Variants in PSD3 observed in about 807,000 individuals in gnomAD.
The protein encoded by PSD3 is pleckstrin and Sec7 domain containing 3.
A neutral mutation model predicts 105.5 loss-of-function variants in PSD3; 49 were observed. The ratio of observed to expected loss-of-function variants is 0.46; its 90% CI spans 0.37 to 0.59. The LOEUF is 0.59. PSD3 is among the 20% of genes least tolerant of loss of function. PSD3 has a pLI of 0.00. For synonymous variants in PSD3, 557 were observed against 457.8 expected, an observed-to-expected ratio of 1.22 and a Z score of -2.77; for missense variants, 1,561 against 1,263.8, an observed-to-expected ratio of 1.24 and a Z score of -3.57.
At chr8:18,640,301 T>G (rs765281654) in intron 10 of PSD3, among the ~76,000 whole-genome samples, 3 of 152,010 alleles carry the variant, frequency 2.0e-5, no homozygotes, top group Non-Finnish European at 4.4e-5. Context: ...TACCCCAAGT[T>G]TTACCATGCA....
chr8:18,828,068 T>TATATATATATATATATATATATA (rs1554515387), intron 4 of PSD3, among the ~76,000 whole-genome samples: 2 of 83,304 alleles, frequency 2.4e-5, no homozygotes, highest in African/African-American at 1.1e-4. Flanking sequence ...TATATATATA[T>TATATATATATATATATATATATA]TTTTTTTTTT....
intron 4 of PSD3, among the ~76,000 whole-genome samples, chr8:18,845,514 C>T (rs984983953): frequency 2.6e-5 from 4 of 152,178 alleles, no homozygotes; most frequent in African/African-American, 4.8e-5. Flanking sequence ...TGCTCTGGGG[C>T]GGCCCCCACC....
chr8:18,587,348 C>T (rs2717739), intron 12 of PSD3, among the ~76,000 whole-genome samples: 122,513 of 152,044 alleles, frequency 0.81, 49,861 homozygotes, highest in South Asian at 0.92. Context: ...ACAGTTCTTT[C>T]GTAAATGGGA....
intron 1 of PSD3, among the ~76,000 whole-genome samples, chr8:19,073,550 C>CAAAAAAAAAAAAAAAAAA (rs869154642): frequency 1.4e-5 from 1 of 69,154 alleles, no homozygotes; most frequent in African/African-American, 6.1e-5. Flanking sequence ...AACTGTCTCT[C>CAAAAAAAAAAAAAAAAAA]AAAAAAAAAA....
chr8:18,764,835 C>G (rs1806839868), intron 9 of PSD3, among the ~76,000 whole-genome samples: 2 of 152,140 alleles, frequency 1.3e-5, no homozygotes, highest in African/African-American at 4.8e-5. Context: ...CTCATATTAT[C>G]ATTATTTTGT....
At chr8:18,983,594 C>T (rs981015586) in intron 1 of PSD3, among the ~76,000 whole-genome samples, 6 of 152,062 alleles carry the variant, frequency 3.9e-5, no homozygotes, top group African/African-American at 1.4e-4. Context: ...CAGGGAATAG[C>T]GGGACAGGGG....
chr8:18,959,781 G>T (rs17384514), intron 1 of PSD3, among the ~76,000 whole-genome samples: 1 of 151,992 alleles, frequency 6.6e-6, no homozygotes, highest in Admixed American at 6.6e-5. Context: ...GCAAGGCCAG[G>T]TCTGTTAACA....
intron 4 of PSD3, among the ~76,000 whole-genome samples, chr8:18,848,232 C>A (rs1357769414): frequency 2.6e-5 from 4 of 152,172 alleles, no homozygotes; most frequent in Non-Finnish European, 5.9e-5. Context: ...ACAGTTACAT[C>A]AGACAGTCTT....
intron 2 of PSD3, among the ~76,000 whole-genome samples, chr8:18,910,088 C>T (rs1480961735): frequency 6.6e-6 from 1 of 152,162 alleles, no homozygotes; most frequent in Admixed American, 6.5e-5. Context: ...CACCCAAATG[C>T]TCCCAATGGA....
At chr8:18,956,744 T>A (rs1432006168) in intron 1 of PSD3, among the ~76,000 whole-genome samples, 1 of 152,124 alleles carries the variant, frequency 6.6e-6, no homozygotes, top group East Asian at 1.9e-4. Context: ...TTTACATATA[T>A]CCCTCTCTAG....
intron 10 of PSD3, among the ~76,000 whole-genome samples, chr8:18,643,817 T>G (rs1226464087): frequency 6.6e-6 from 1 of 152,202 alleles, no homozygotes; most frequent in African/African-American, 2.4e-5. Flanking sequence ...GAAATCTAGG[T>G]AAAGAAAGCC....
At chr8:18,680,080 A>G (rs1432230441) in intron 9 of PSD3, among the ~76,000 whole-genome samples, 1 of 152,082 alleles carries the variant, frequency 6.6e-6, no homozygotes, top group Non-Finnish European at 1.5e-5. Context: ...GGAAGAAAAG[A>G]GTGTTTATCA....
intron 2 of PSD3, among the ~76,000 whole-genome samples, chr8:18,933,480 T>C (rs4921618): frequency 0.5 from 76,142 of 151,988 alleles, 20,714 homozygotes; most frequent in African/African-American, 0.71. Context: ...TTTTTGTTTA[T>C]TTTTTGAGAC....
At chr8:18,543,952 C>T (rs1241356967) in intron 15 of PSD3, among the ~76,000 whole-genome samples, 1 of 152,020 alleles carries the variant, frequency 6.6e-6, no homozygotes, top group Non-Finnish European at 1.5e-5. Flanking sequence ...AATGAAAATA[C>T]AGCTGGGCTG....
intron 1 of PSD3, among the ~76,000 whole-genome samples, chr8:18,949,986 G>C (rs1488391398): frequency 1.3e-5 from 2 of 152,030 alleles, no homozygotes; most frequent in Non-Finnish European, 2.9e-5. Context: ...GTCATGACAA[G>C]ACAAGATGCA....
At chr8:18,680,416 C>G (rs1347824742) in intron 9 of PSD3, among the ~76,000 whole-genome samples, 1 of 152,210 alleles carries the variant, frequency 6.6e-6, no homozygotes, top group African/African-American at 2.4e-5. Flanking sequence ...GAGCAACCAG[C>G]TGGATCTGAC....
At chr8:18,705,813 C>G (rs1215778366) in intron 9 of PSD3, among the ~76,000 whole-genome samples, 2 of 151,994 alleles carry the variant, frequency 1.3e-5, no homozygotes, top group Admixed American at 1.3e-4. Context: ...TATTCGTGAT[C>G]AAGAAAGTGG....
intron 4 of PSD3, among the ~76,000 whole-genome samples, chr8:18,815,776 C>CT (rs11368553): frequency 0.98 from 148,448 of 152,230 alleles, 72,442 homozygotes; most frequent in Non-Finnish European, 0.99. Flanking sequence ...CACATAACTT[C>CT]ACTTTCTCTT....
intron 9 of PSD3, among the ~76,000 whole-genome samples, chr8:18,713,956 G>C (rs568952229): frequency 6.6e-6 from 1 of 152,212 alleles, no homozygotes; most frequent in South Asian, 2.1e-4. Context: ...GGAACAGAAA[G>C]AGAACTCAGA....
Sources: allele counts gnomAD v4.1 joint callset (sites outside exome capture counted in the v4.1 genomes callset), GRCh38; gene constraint gnomAD v4.1.1; transcripts MANE v1.5; gene names NCBI Gene and HGNC (gene_info 2026-07-23, HGNC 2026-07-21).